SACM1L: variants seen among roughly 807,000 people sequenced by gnomAD.
The protein encoded by SACM1L is phosphatidylinositol-3-phosphatase SAC1.
In SACM1L, 32 loss-of-function variants were observed where a neutral mutation model predicts 89.5. The observed-to-expected ratio is 0.36, with a 90% CI of 0.27 to 0.48. The LOEUF is 0.48. SACM1L is among the 20% of genes least tolerant of loss of function. SACM1L has a pLI of 0.99. For missense variants in SACM1L, 543 were observed against 708.5 expected, an observed-to-expected ratio of 0.77 and a Z score of 2.65; for synonymous variants, 213 against 232.8, an observed-to-expected ratio of 0.92 and a Z score of 0.77.
intron 1 of SACM1L, among the ~76,000 whole-genome samples, chr3:45,691,918 T>A (rs1485696394): frequency 1.3e-5 from 2 of 152,240 alleles, no homozygotes; most frequent in African/African-American, 4.8e-5. Context: ...CAGTTCCATC[T>A]TACTGACCTA....
At chr3:45,708,553 T>C (rs1168131495) in intron 4 of SACM1L, among the ~76,000 whole-genome samples, 1 of 152,022 alleles carries the variant, frequency 6.6e-6, no homozygotes, top group Non-Finnish European at 1.5e-5. Context: ...GGATATGCTT[T>C]TTATACTTTA....
chr3:45,738,372 T>A (rs529410950), intron 16 of SACM1L, among the ~76,000 whole-genome samples: 1 of 152,354 alleles, frequency 6.6e-6, no homozygotes, highest in African/African-American at 2.4e-5. Context: ...GTGTGTTTCT[T>A]TGTGCCTCCT....
At chr3:45,724,298 G>GATGTGTGT (rs1553653985) in intron 11 of SACM1L, among the ~76,000 whole-genome samples, 1 of 139,716 alleles carries the variant, frequency 7.2e-6, no homozygotes, top group African/African-American at 2.7e-5. Context: ...GTTGTTTTCT[G>GATGTGTGT]GTGTGTGTGT....
At position 45,730,868 on chromosome 3, in the gene SACM1L, G is replaced by A. The variant is rs145855210; in HGVS notation, c.922-433G>A. 1.3e-3 allele frequency among the ~76,000 whole-genome samples: 201 copies of A among 152,254 alleles called. 2 individuals are homozygous for A. The highest frequency in any genetic ancestry group is 6.8e-3 in the Middle Eastern group (2 of 294). ...ACAGTGGTCACCATTTTTACTGCCCGTGTTCAGAGATACGTGGGACAGAGA... is the reference window on the plus strand; with the variant it reads ...ACAGTGGTCACCATTTTTACTGCCCATGTTCAGAGATACGTGGGACAGAGA... On this transcript the variant is annotated intron_variant, in intron 11 of 19. Coordinates refer to ENST00000389061, the MANE Select transcript of SACM1L (RefSeq NM_014016.5).
intron 1 of SACM1L, among the ~76,000 whole-genome samples, chr3:45,691,684 A>G (rs996005278): frequency 5.9e-5 from 9 of 151,838 alleles, no homozygotes; most frequent in African/African-American, 2.2e-4. Context: ...GTTTGATCAT[A>G]GCTCACTGCA....
At chr3:45,739,487 G>GA in intron 18 of SACM1L, 100 bp from the exon 19 acceptor site, 1 of 1,002,184 alleles carries the variant, frequency 1.0e-6, no homozygotes, top group Non-Finnish European at 1.6e-6. Context: ...TTAGCTGACA[G>GA]ATGAGTTTTA....
At chr3:45,691,006 GAT>G (rs1307440178) in intron 1 of SACM1L, among the ~76,000 whole-genome samples, 1 of 152,196 alleles carries the variant, frequency 6.6e-6, no homozygotes, top group Non-Finnish European at 1.5e-5. Context: ...TGAGAATTAT[GAT>G]GATTGTTTTT....
chr3:45,692,330 T>A (rs200887235), intron 1 of SACM1L, among the ~76,000 whole-genome samples: 3 of 72,588 alleles, frequency 4.1e-5, no homozygotes, highest in Non-Finnish European at 6.3e-5. Flanking sequence ...TTTTTTTTTT[T>A]TATTATTTTT....
At chr3:45,711,783 C>T (rs1698537624) in intron 5 of SACM1L, among the ~76,000 whole-genome samples, 1 of 152,146 alleles carries the variant, frequency 6.6e-6, no homozygotes, top group Non-Finnish European at 1.5e-5. Context: ...ATTGTCTTCC[C>T]TGTGTAAATT....
rs1698627534 is a variant in SACM1L, at chr3:45,715,366, A to G, written c.577+1287A>G. On this transcript the variant is annotated intron_variant, in intron 7 of 19. Transcript: ENST00000389061. The stretch of plus-strand genomic sequence containing the variant: ...GAAAACCCAAAAAGTAATGGAGGAA[A>G]CATGTTCCACAGTTATGGGGAAATA... Among the ~76,000 whole-genome samples, 3 of 152,372 alleles carry G rather than the reference A, an allele frequency of 2.0e-5. No homozygotes were observed. In the South Asian group the frequency reaches 6.2e-4, roughly 32 times the overall value.
intron 8 of SACM1L, among the ~76,000 whole-genome samples, chr3:45,721,138 A>G (rs1385712931): frequency 1.3e-5 from 2 of 152,282 alleles, no homozygotes; most frequent in East Asian, 1.9e-4. Context: ...AGAGGATCAC[A>G]TACAGATTTT....
At chr3:45,702,983 A>G (rs1162084377) in intron 1 of SACM1L, among the ~76,000 whole-genome samples, 7 of 152,204 alleles carry the variant, frequency 4.6e-5, no homozygotes, top group South Asian at 2.1e-4. Flanking sequence ...CAGATGTTCA[A>G]AGTACTTACC....
At chr3:45,742,480 G>A (rs1017954766) in intron 19 of SACM1L, among the ~76,000 whole-genome samples, 1 of 152,200 alleles carries the variant, frequency 6.6e-6, no homozygotes, top group African/African-American at 2.4e-5. Flanking sequence ...GTCATTCCCT[G>A]TATGTATTTC....
At chr3:45,695,833 A>C (rs570067666) in intron 1 of SACM1L, among the ~76,000 whole-genome samples, 1 of 152,124 alleles carries the variant, frequency 6.6e-6, no homozygotes, top group East Asian at 1.9e-4. Flanking sequence ...CCATTTCTGT[A>C]TCCTCCCAGC....
intron 11 of SACM1L, among the ~76,000 whole-genome samples, chr3:45,729,340 C>T (rs1698995364): frequency 6.6e-6 from 1 of 152,168 alleles, no homozygotes; most frequent in South Asian, 2.1e-4. Flanking sequence ...CCACCTCGGC[C>T]TCCCAAAGTG....
chr3:45,722,049 T>C lies in SACM1L; in HGVS notation c.729T>C (p.Ile243=), dbSNP rs746058141. 1 of 1,612,946 alleles carries C rather than the reference T, an allele frequency of 6.2e-7. No homozygotes were observed. Among genetic ancestry groups the C allele is most frequent in the Admixed American group, 1.7e-5 (1 of 59,856 alleles). Residue 243 remains isoleucine, a synonymous_variant, in exon 9 of 20, where the codon ATT becomes ATC. Transcript: ENST00000389061. The part of the protein sequence containing the change: ...HAANFVETEQ[I]VHYNGSKASF... ...CTAACTTTGTAGAAACAGAACAAAT[T>C]GTGCACTACAATGGGAGCAAAGCTT...
chr3:45,715,444 G>A (rs920208064), intron 7 of SACM1L, among the ~76,000 whole-genome samples: 1 of 152,088 alleles, frequency 6.6e-6, no homozygotes, highest in Non-Finnish European at 1.5e-5. Flanking sequence ...TCCCCACCCC[G>A]AGCTTTCCAA....
intron 11 of SACM1L, among the ~76,000 whole-genome samples, chr3:45,727,625 T>G (rs1287361915): frequency 6.6e-6 from 1 of 152,138 alleles, no homozygotes; most frequent in Non-Finnish European, 1.5e-5. Flanking sequence ...ATTTTTTATT[T>G]ATTTATTTTT....
rs995689819 is a variant in SACM1L, at chr3:45,723,481, G to A, written c.859G>A (p.Gly287Ser). 6.1e-6 allele frequency: 9 copies of A among 1,466,598 alleles called. No homozygotes were observed. The highest frequency in any genetic ancestry group is 1.5e-5 in the South Asian group (1 of 65,240). 90.8% of individuals were successfully genotyped at this position (1,466,598 alleles called of 1,614,324 possible). A position where few individuals can be genotyped will look rare whatever the true frequency, so the allele number is the denominator to read the frequency against. The change falls in exon 11 of 20, where the codon GGT (glycine) becomes AGT (serine). Residue 287 changes from glycine (G) to serine (S), a missense_variant. Around this residue, in one of 2 missense-constraint regions of SACM1L, gnomAD observed 370 missense variants for 527.6 expected, o/e 0.70. Transcript: ENST00000389061. ...QISKVANHMD[G>S]FQRHFDSQVI... ...GTAACTTTTTCCTCTCTAGATGGAC[G>A]GTTTCCAAAGGCATTTTGATTCCCA... is the stretch of plus-strand genomic sequence containing the variant.
Sources: allele counts gnomAD v4.1 joint callset (sites outside exome capture counted in the v4.1 genomes callset), GRCh38; gene constraint gnomAD v4.1.1; regional missense constraint gnomAD v4.1.1; transcripts MANE v1.5; gene names NCBI Gene and HGNC (gene_info 2026-07-23, HGNC 2026-07-21).